Variants in IGSF10 observed in about 807,000 individuals in gnomAD.
IGSF10 encodes the protein immunoglobulin superfamily member 10.
A neutral mutation model predicts 128.2 loss-of-function variants in IGSF10; 126 were observed. That is an observed-to-expected ratio of 0.98 (90% CI 0.85 to 1.14). The LOEUF (loss-of-function observed/expected upper bound fraction) is 1.14. Ranked by LOEUF, IGSF10 falls within the 50% of genes most tolerant of loss-of-function variation. The probability of loss-of-function intolerance (pLI) is 0.00; values close to 1 mark genes in which losing one functional copy is unlikely to be tolerated. For synonymous variants in IGSF10, 1,185 were observed against 1,146.2 expected (o/e 1.03, Z -0.68); for missense variants, 3,295 against 3,149.8 (o/e 1.05, Z -1.10).
the IGSF10 span, among the ~76,000 whole-genome samples, chr3:151,573,695 G>C: frequency 1.1e-4 from 17 of 152,284 alleles, no homozygotes; most frequent in Admixed American, 7.8e-4. Context: ...TTGCCAGTCT[G>C]TGTCTTTTAA....
At chr3:151,600,583 T>C in the IGSF10 span, among the ~76,000 whole-genome samples, 5 of 152,174 alleles carry the variant, frequency 3.3e-5, no homozygotes, top group African/African-American at 1.2e-4. Context: ...ACCTACATTT[T>C]TATGCATTTG....
the IGSF10 span, among the ~76,000 whole-genome samples, chr3:151,610,583 G>A: frequency 6.1e-3 from 926 of 152,284 alleles, 7 homozygotes; most frequent in African/African-American, 0.021. Flanking sequence ...GTGCAAATAA[G>A]TTTTAATTAC....
the IGSF10 span, among the ~76,000 whole-genome samples, chr3:151,541,467 T>C: frequency 6.6e-6 from 1 of 152,174 alleles, no homozygotes; most frequent in African/African-American, 2.4e-5. Flanking sequence ...TCAGTTTTCT[T>C]ATAGTCATAT....
chr3:151,476,543 G>T, the IGSF10 span, among the ~76,000 whole-genome samples: 1 of 152,152 alleles, frequency 6.6e-6, no homozygotes, highest in East Asian at 1.9e-4. Context: ...GTATCTTCCG[G>T]CCAGCTCTCT....
the IGSF10 span, among the ~76,000 whole-genome samples, chr3:151,554,132 TCACA>T: frequency 0.49 from 72,166 of 147,158 alleles, 17,527 homozygotes; most frequent in South Asian, 0.57. Context: ...CAGAGTGAGA[TCACA>T]CACACACACA....
At chr3:151,496,042 G>A in the IGSF10 span, among the ~76,000 whole-genome samples, 19 of 152,158 alleles carry the variant, frequency 1.2e-4, no homozygotes, top group Non-Finnish European at 2.2e-4. Flanking sequence ...GCCATTAGAG[G>A]AAAAAACTTA....
rs146034413 is a variant in IGSF10, at chr3:151,448,787, C to G, written c.1194G>C (p.Pro398=). 33 of 1,613,526 alleles carry G rather than the reference C, an allele frequency of 2.0e-5. No homozygotes were observed. Among genetic ancestry groups the G allele is most frequent in the Non-Finnish European group, 2.8e-5 (33 of 1,179,518 alleles). ...CCTGTTTATATTTGTAATAGAGCTG[C>G]GGTGTTTCACTAAGCAAGTGGCTCC... ...LERSHLLSET[P]QLYYKYKQVA... The change falls in exon 6 of 8, where the codon CCG becomes CCC. Residue 398 remains proline, a synonymous_variant. Transcript: ENST00000282466.
the IGSF10 span, among the ~76,000 whole-genome samples, chr3:151,603,805 A>G: frequency 4.6e-5 from 7 of 152,238 alleles, no homozygotes; most frequent in African/African-American, 1.4e-4. Flanking sequence ...GAAAGAACTG[A>G]TGTTTCAGTT....
intron 7 of IGSF10, among the ~76,000 whole-genome samples, chr3:151,439,971 T>C (rs999678811): frequency 1.3e-5 from 2 of 152,228 alleles, no homozygotes; most frequent in Non-Finnish European, 2.9e-5. Flanking sequence ...ACTGTTTTCA[T>C]AGCATAAGTG....
At chr3:151,595,203 T>G in the IGSF10 span, among the ~76,000 whole-genome samples, 1 of 152,128 alleles carries the variant, frequency 6.6e-6, no homozygotes, top group Non-Finnish European at 1.5e-5. Context: ...GAAAACAGTA[T>G]GGAGGTTACT....
At chr3:151,592,629 G>T in the IGSF10 span, among the ~76,000 whole-genome samples, 2 of 152,114 alleles carry the variant, frequency 1.3e-5, no homozygotes, top group African/African-American at 4.8e-5. Flanking sequence ...ATTCCCCAGG[G>T]TTACCTACTG....
chr3:151,446,725 G>T lies in IGSF10; in HGVS notation c.3256C>A (p.Pro1086Thr). 6.2e-7 allele frequency: 1 copy of T among 1,614,158 alleles called. No individual in the cohort carries two copies. The highest frequency in any genetic ancestry group is 1.1e-5 in the South Asian group (1 of 91,084). ...TAALSFPSAA[P>T]ITFPKADIAR... ...ATGTCAGCTTTGGGGAAGGTGATGG[G>T]AGCAGCACTTGGAAAAGACAATGCT... Residue 1086 changes from proline to threonine, a missense_variant, in exon 6 of 8, where the codon CCC becomes ACC. By Grantham distance (38) the Pro-to-Thr change is conservative. Coordinates refer to ENST00000282466, the MANE Select transcript of IGSF10 (RefSeq NM_178822.5).
chr3:151,596,711 A>G, the IGSF10 span, among the ~76,000 whole-genome samples: 1 of 152,178 alleles, frequency 6.6e-6, no homozygotes, highest in Non-Finnish European at 1.5e-5. Context: ...TATGCTGGTC[A>G]GGTTTTCTCT....
chr3:151,611,901 C>T, the IGSF10 span, among the ~76,000 whole-genome samples: 14 of 152,124 alleles, frequency 9.2e-5, no homozygotes, highest in Non-Finnish European at 1.6e-4. Flanking sequence ...GAACTATGTA[C>T]GAATTTCCTT....
chr3:151,575,823 G>A, the IGSF10 span, among the ~76,000 whole-genome samples: 4 of 152,186 alleles, frequency 2.6e-5, no homozygotes, highest in Non-Finnish European at 5.9e-5. Context: ...ACTGGGAGCT[G>A]CAGACCAGAG....
the IGSF10 span, among the ~76,000 whole-genome samples, chr3:151,566,455 C>T: frequency 3.3e-5 from 5 of 152,310 alleles, no homozygotes; most frequent in East Asian, 7.7e-4. Context: ...ATCTCAGTGG[C>T]TAACAAGGAA....
Position 151,443,246 on chromosome 3 carries a change from TC to T in IGSF10, c.5700del (p.Thr1901LeufsTer4), listed in dbSNP as rs1720964686. Reference sequence around the variant, plus strand: ...GAGGCTAGGTTTCTTATATACAAAGTCCCATTTGAAAATAAGAACAACTTGG... The same window carrying T: ...GAGGCTAGGTTTCTTATATACAAAGTCCATTTGAAAATAAGAACAACTTGG... ...TNSKLFLFSNGTLYIRNLASS... is the reference protein window; with the variant it reads ...TNSKLFLFSNXTLYIRNLASS... On this transcript the variant is annotated frameshift_variant, in exon 7 of 8. Transcript: ENST00000282466. LOFTEE classifies it high-confidence loss of function. 6.2e-7 allele frequency: 1 copy of T among 1,611,868 alleles called. No homozygotes were observed. The highest frequency in any genetic ancestry group is 2.2e-5 in the East Asian group (1 of 44,870).
At chr3:151,597,261 T>C in the IGSF10 span, among the ~76,000 whole-genome samples, 2 of 152,200 alleles carry the variant, frequency 1.3e-5, no homozygotes, top group Admixed American at 6.5e-5. Context: ...ACGGGTCTTA[T>C]GAATAACACA....
In IGSF10 at chr3:151,448,806, T is replaced by A; in HGVS notation, c.1175A>T (p.His392Leu). 1 of 1,613,478 alleles carries A rather than the reference T, an allele frequency of 6.2e-7. No individual in the cohort carries two copies. The highest frequency in any genetic ancestry group is 1.1e-5 in the South Asian group (1 of 91,084). The stretch of plus-strand genomic sequence containing the variant: ...GAGCTGCGGTGTTTCACTAAGCAAG[T>A]GGCTCCTTTCTAGTATCAGAGGAGA... ...SDSPLILERSHLLSETPQLYY... is the reference protein window; with the variant it reads ...SDSPLILERSLLLSETPQLYY... The change falls in exon 6 of 8, where the codon CAC becomes CTC. Residue 392 changes from histidine to leucine, a missense_variant. By Grantham distance (99) the His-to-Leu change is moderately conservative. Transcript: ENST00000282466.
Sources: allele counts gnomAD v4.1 joint callset (sites outside exome capture counted in the v4.1 genomes callset), GRCh38; gene constraint gnomAD v4.1.1; transcripts MANE v1.5; gene names NCBI Gene and HGNC (gene_info 2026-07-23, HGNC 2026-07-21).